GCNT1: variants seen among roughly 807,000 people sequenced by gnomAD.
GCNT1 encodes the protein glucosaminyl (N-acetyl) transferase 1, also known as beta-1,3-galactosyl-O-glycosyl-glycoprotein beta-1,6-N-acetylglucosaminyltransferase.
In GCNT1, 16 loss-of-function variants were observed where a neutral mutation model predicts 26.2. That is an observed-to-expected ratio of 0.61 (90% confidence interval 0.41 to 0.93). The LOEUF is 0.93. GCNT1 is among the 40% of genes least tolerant of loss of function. The probability of loss-of-function intolerance (pLI) is 0.00; values close to 1 mark genes in which losing one functional copy is unlikely to be tolerated. For synonymous variants in GCNT1, 183 were observed against 190.8 expected (o/e 0.96, Z 0.34); for missense variants, 477 against 526.7 (o/e 0.91, Z 0.92).
chr9:76,426,375 C>T (rs1020383020), intron 1 of GCNT1, among the ~76,000 whole-genome samples: 5 of 152,128 alleles, frequency 3.3e-5, no homozygotes, highest in Non-Finnish European at 7.3e-5. Context: ...CAAGACCATC[C>T]TGGGCAACAT....
Position 76,502,407 on chromosome 9 carries a change from G to A in GCNT1, c.26G>A (p.Arg9Lys), listed in dbSNP as rs1433154635. 3 of 1,612,752 alleles carry A rather than the reference G, an allele frequency of 1.9e-6. No individual in the cohort carries two copies. The highest frequency in any genetic ancestry group is 2.5e-6 in the Non-Finnish European group (3 of 1,179,118). The change falls in exon 4 of 4, where the codon AGA becomes AAA. Residue 9 changes from arginine (R) to lysine (K), a missense_variant. Physicochemically the swap from Arg to Lys is conservative, Grantham distance 26 (BLOSUM62 2). Coordinates refer to ENST00000376730, the MANE Select transcript of GCNT1 (RefSeq NM_001490.5). MLRTLLRR[R>K]LFSYPTKYYF... Reference sequence around the variant, plus strand: ...ATGCTGAGGACGTTGCTGCGAAGGAGACTTTTTTCTTATCCCACCAAATAC... The same window carrying A: ...ATGCTGAGGACGTTGCTGCGAAGGAAACTTTTTTCTTATCCCACCAAATAC...
At chr9:76,470,384 G>A (rs1234261538) in intron 2 of GCNT1, among the ~76,000 whole-genome samples, 2 of 151,884 alleles carry the variant, frequency 1.3e-5, no homozygotes, top group Non-Finnish European at 2.9e-5. Context: ...CAGGCAGATC[G>A]CTTGAGCCCA....
At chr9:76,468,194 G>A (rs991251716) in intron 2 of GCNT1, among the ~76,000 whole-genome samples, 4 of 152,078 alleles carry the variant, frequency 2.6e-5, no homozygotes, top group Admixed American at 6.6e-5. Context: ...ACCGCGCGCC[G>A]ACCCTCCTTC....
intron 1 of GCNT1, among the ~76,000 whole-genome samples, chr9:76,427,659 G>C (rs1270396125): frequency 2.0e-5 from 3 of 152,134 alleles, no homozygotes; most frequent in African/African-American, 7.2e-5. Flanking sequence ...GTTTATACAT[G>C]TGAAAAATTA....
At chr9:76,406,964 C>G in the GCNT1 span, among the ~76,000 whole-genome samples, 50,993 of 151,836 alleles carry the variant, frequency 0.34, 9,093 homozygotes, top group Middle Eastern at 0.4. Context: ...TCATTTGAAC[C>G]CCAGAGGCAG....
intron 2 of GCNT1, among the ~76,000 whole-genome samples, chr9:76,486,455 C>T (rs942375921): frequency 2.6e-5 from 4 of 152,160 alleles, no homozygotes; most frequent in Admixed American, 2.0e-4. Context: ...AAACAGTTTT[C>T]CTTCAGAATT....
At chr9:76,403,948 A>C in the GCNT1 span, among the ~76,000 whole-genome samples, 1 of 152,232 alleles carries the variant, frequency 6.6e-6, no homozygotes, top group Non-Finnish European at 1.5e-5. Flanking sequence ...AAGAAGAAGG[A>C]AAACTTTCTA....
rs994431304 is a variant in GCNT1 at position 76,500,903 on chromosome 9, T to A, written c.-289-13T>A. On this transcript the variant is annotated splice_polypyrimidine_tract_variant and intron_variant, in intron 2 of 3. Transcript: ENST00000376730. ...CCATATATCCCTTGTCACATTGTTT[T>A]TTAATTTCACAGATTTCTTTAAAGA... The A allele has an allele frequency of 7.2e-5, 11 of 152,338 alleles. No individual in the cohort carries two copies. Among genetic ancestry groups the A allele is most frequent in the African/African-American group, 2.6e-4 (11 of 41,578 alleles). 9.4% of individuals were successfully genotyped at this position (152,338 alleles called of 1,614,324 possible).
intron 2 of GCNT1, among the ~76,000 whole-genome samples, chr9:76,468,490 GTTACC>G (rs1487079665): frequency 6.6e-6 from 1 of 152,120 alleles, no homozygotes; most frequent in African/African-American, 2.4e-5. Flanking sequence ...ATGTTTGATG[GTTACC>G]TTTTGGTATA....
upstream of GCNT1, among the ~76,000 whole-genome samples, chr9:76,417,153 T>C (rs536482580): frequency 2.6e-5 from 4 of 152,362 alleles, no homozygotes; most frequent in East Asian, 7.7e-4. Context: ...TTTATAGTTA[T>C]TTATGAAGCT....
chr9:76,412,635 T>C, the GCNT1 span, among the ~76,000 whole-genome samples: 3 of 152,236 alleles, frequency 2.0e-5, no homozygotes, highest in African/African-American at 7.2e-5. Context: ...TCAGCATCCA[T>C]TTTGAACACA....
At chr9:76,498,786 A>AG (rs201533066) in intron 2 of GCNT1, among the ~76,000 whole-genome samples, 43,766 of 144,604 alleles carry the variant, frequency 0.3, 7,756 homozygotes, top group East Asian at 0.63. Context: ...AAAAAAAAAA[A>AG]AAAAGAAAAA....
At chr9:76,454,035 G>T (rs760394565) in intron 1 of GCNT1, among the ~76,000 whole-genome samples, 2 of 152,170 alleles carry the variant, frequency 1.3e-5, no homozygotes, top group African/African-American at 2.4e-5. Context: ...CTTTTGAAAG[G>T]TCAGGCAGAA....
rs564078188 is a variant in GCNT1 at position 76,504,262 on chromosome 9, T to C, written c.*594T>C. 1 of 168,394 alleles carries C rather than the reference T, an allele frequency of 5.9e-6. No individual in the cohort carries two copies. Among genetic ancestry groups the C allele is most frequent in the Non-Finnish European group, 1.4e-5 (1 of 69,082 alleles). The allele number at this position is 168,394 out of a possible 1,614,324, so 10.4% of individuals were successfully genotyped here. On this transcript the variant is annotated 3_prime_UTR_variant, in exon 4 of 4. Coordinates refer to ENST00000376730, the MANE Select transcript of GCNT1 (RefSeq NM_001490.5). Reference sequence around the variant, plus strand: ...TAAAATGGGCTTGATTTAACATTGTTTTTGTGTTATTTTTGCTTGAAACAA... The same window carrying C: ...TAAAATGGGCTTGATTTAACATTGTCTTTGTGTTATTTTTGCTTGAAACAA...
Position 76,505,433 on chromosome 9 carries a change from CTT to C in GCNT1, c.*1767_*1768del, listed in dbSNP as rs1178281688. The C allele has an allele frequency of 1.2e-5, 2 of 167,222 alleles. No individual in the cohort carries two copies. Among genetic ancestry groups the C allele is most frequent in the Admixed American group, 6.5e-5 (1 of 15,280 alleles). 10.4% of individuals were successfully genotyped at this position (167,222 alleles called of 1,614,324 possible). A position where few individuals can be genotyped will look rare whatever the true frequency, so the allele number is the denominator to read the frequency against. On this transcript the variant is annotated 3_prime_UTR_variant, in exon 4 of 4. Coordinates refer to ENST00000376730, the MANE Select transcript of GCNT1 (RefSeq NM_001490.5). Reference sequence around the variant, plus strand: ...GGGTGGTACATGCAGTGTGTTCTCTCTTTATTGGCTTCTAAACCAGTTTTGTC... The same window carrying C: ...GGGTGGTACATGCAGTGTGTTCTCTCTATTGGCTTCTAAACCAGTTTTGTC...
At chr9:76,472,753 T>G (rs1370426385) in intron 2 of GCNT1, among the ~76,000 whole-genome samples, 1 of 76,206 alleles carries the variant, frequency 1.3e-5, no homozygotes, top group African/African-American at 6.2e-5. Context: ...TCTTTTCTTT[T>G]TTTTTTTTTT....
upstream of GCNT1, among the ~76,000 whole-genome samples, chr9:76,454,933 C>T (rs1365175984): frequency 3.4e-5 from 5 of 148,286 alleles, no homozygotes; most frequent in Admixed American, 6.8e-5. Flanking sequence ...CTGCAACCTC[C>T]GCCTCCCGGG....
intron 1 of GCNT1, among the ~76,000 whole-genome samples, chr9:76,422,128 A>T (rs762410586): frequency 1.2e-4 from 19 of 152,130 alleles, no homozygotes; most frequent in Non-Finnish European, 2.2e-4. Flanking sequence ...ACTCACTGTC[A>T]TGAGAACAGC....
At position 76,443,930 on chromosome 9, in the gene GCNT1, AAAGGAAGGAAGGAAGGAAGG is replaced by A. The variant is rs201262371; in HGVS notation, c.-290+1659_-290+1678del. Among the ~76,000 whole-genome samples the A allele has an allele frequency of 4.0e-3, 315 of 77,982 alleles. 1 individual carries two copies. The highest frequency in any genetic ancestry group is 0.026 in the Middle Eastern group (4 of 152). The allele number at this position is 77,982 out of a possible 152,430, so 51.2% of individuals were successfully genotyped here. The stretch of plus-strand genomic sequence containing the variant: ...GAAAGGAAGAAAGGAAGAAAGGAAG[AAAGGAAGGAAGGAAGGAAGG>A]AAGGAAGGAAGGAAGGAAGGAAGGA... On this transcript the variant is annotated intron_variant, in intron 1 of 2. Coordinates refer to the GCNT1 transcript ENST00000442371.
Sources: gnomAD v4.1 joint callset for allele counts (sites outside exome capture counted in the v4.1 genomes callset) on GRCh38, gnomAD v4.1.1 for gene constraint, MANE v1.5 for transcripts, NCBI Gene and HGNC (gene_info 2026-07-23, HGNC 2026-07-21) for gene names.